GREB1L: variants seen among roughly 807,000 people sequenced by gnomAD.
GREB1L encodes GREB1-like protein.
Under a neutral mutation model 200.8 loss-of-function variants are expected in GREB1L, and 17 were observed. That is an observed-to-expected ratio of 0.08 (90% confidence interval 0.06 to 0.13). GREB1L has a LOEUF of 0.13. Ranked by LOEUF, GREB1L falls within the 10% of genes least tolerant of loss-of-function variation. GREB1L has a pLI of 1.00. For missense variants in GREB1L, 1,657 were observed against 2,367.7 expected (o/e 0.70, Z 6.23); for synonymous variants, 789 against 893.0 (o/e 0.88, Z 2.08).
intron 1 of GREB1L, among the ~76,000 whole-genome samples, chr18:21,247,883 C>T (rs550829707): frequency 6.6e-6 from 1 of 152,212 alleles, no homozygotes. Context: ...CCACTCTGAC[C>T]TGTTGAATCA....
chr18:21,458,287 A>T (rs2034871678), intron 15 of GREB1L, among the ~76,000 whole-genome samples: 1 of 151,896 alleles, frequency 6.6e-6, no homozygotes, highest in South Asian at 2.1e-4. Flanking sequence ...CAGTTTTTTT[A>T]TTGTTGCATG....
intron 1 of GREB1L, among the ~76,000 whole-genome samples, chr18:21,349,035 C>T (rs890463724): frequency 6.6e-6 from 1 of 152,174 alleles, no homozygotes; most frequent in Non-Finnish European, 1.5e-5. Context: ...TCAGTCCTCA[C>T]ATCCTGAAGT....
Position 21,458,076 on chromosome 18 carries a change from C to T in GREB1L, c.2182+3513C>T, listed in dbSNP as rs373208696. 6.6e-4 allele frequency among the ~76,000 whole-genome samples: 98 copies of T among 148,452 alleles called. No individual in the cohort carries two copies. The Middle Eastern group carries it at 0.014, about 21-fold the overall frequency. On this transcript the variant is annotated intron_variant, in intron 15 of 32. Transcript: ENST00000424526. Reference sequence around the variant, plus strand: ...CTCCACCTCCCGGGTTCAAGCGATTCTTCTGCCTCAACCTCCAGAGTAGCT... The same window carrying T: ...CTCCACCTCCCGGGTTCAAGCGATTTTTCTGCCTCAACCTCCAGAGTAGCT...
chr18:21,271,725 TTTAAG>T (rs1346533722), intron 1 of GREB1L, among the ~76,000 whole-genome samples: 1 of 151,662 alleles, frequency 6.6e-6, no homozygotes, highest in African/African-American at 2.4e-5. Context: ...CAGGTTGCTG[TTTAAG>T]TTAAGTAGAG....
chr18:21,243,492 G>C (rs58347884), intron 1 of GREB1L, among the ~76,000 whole-genome samples: 1,580 of 152,008 alleles, frequency 0.01, 33 homozygotes, highest in African/African-American at 0.036. Context: ...GTTTTTTTCC[G>C]CCTCCCCCCG....
intron 4 of GREB1L, among the ~76,000 whole-genome samples, chr18:21,394,426 T>C (rs2040956754): frequency 6.6e-6 from 1 of 152,240 alleles, no homozygotes; most frequent in Admixed American, 6.5e-5. Flanking sequence ...ATGACTGCAA[T>C]GTGAGTTCTT....
chr18:21,319,418 A>G (rs1399228221), intron 1 of GREB1L, among the ~76,000 whole-genome samples: 1 of 152,250 alleles, frequency 6.6e-6, no homozygotes, highest in Non-Finnish European at 1.5e-5. Flanking sequence ...AAGTATGTTG[A>G]TAAATGTTAG....
intron 15 of GREB1L, among the ~76,000 whole-genome samples, chr18:21,457,104 C>G (rs1412587348): frequency 6.6e-6 from 1 of 152,160 alleles, no homozygotes; most frequent in Non-Finnish European, 1.5e-5. Flanking sequence ...TTCACCTTTC[C>G]TAATAAATGC....
chr18:21,278,385 AAAAAAAATAAATAAAT>A (rs2038207078), intron 1 of GREB1L, among the ~76,000 whole-genome samples: 2 of 127,400 alleles, frequency 1.6e-5, no homozygotes, highest in South Asian at 2.2e-4. Context: ...CATCTCAAAA[AAAAAAAATAAATAAAT>A]AAATAAATAA....
At chr18:21,516,830 C>A in intron 30 of GREB1L, 76 bp downstream of exon 30, 7 of 1,209,588 alleles carry the variant, frequency 5.8e-6, no homozygotes, top group Non-Finnish European at 7.9e-6. Flanking sequence ...TAGATGTTGG[C>A]ATTAAGCACT....
At position 21,473,107 on chromosome 18, in the gene GREB1L, C is replaced by G. The variant is rs1402169713; in HGVS notation, c.2259C>G (p.Asp753Glu). The part of the protein sequence containing the change: ...QRAEKYVVRL[D>E]NEIQTKFEVF... Reference sequence around the variant, plus strand: ...CAGAAAAATATGTTGTTCGTCTAGACAATGAGATTCAAACCAAGTTTGAAG... The same window carrying G: ...CAGAAAAATATGTTGTTCGTCTAGAGAATGAGATTCAAACCAAGTTTGAAG... Residue 753 changes from aspartate (D) to glutamate (E), a missense_variant, in exon 16 of 33, where the codon GAC (aspartate) becomes GAG (glutamate). Transcript: ENST00000424526. The G allele has an allele frequency of 6.4e-7, 1 of 1,550,500 alleles. No homozygotes were observed. Among genetic ancestry groups the G allele is most frequent in the Non-Finnish European group, 8.7e-7 (1 of 1,146,324 alleles).
At chr18:21,502,800 C>T (rs1399906681) in intron 23 of GREB1L, among the ~76,000 whole-genome samples, 9 of 152,320 alleles carry the variant, frequency 5.9e-5, no homozygotes, top group Non-Finnish European at 1.0e-4. Context: ...CCAGCTCTCC[C>T]GCCAGGCTCG....
At chr18:21,446,647 T>C (rs1016394601) in intron 11 of GREB1L, among the ~76,000 whole-genome samples, 2 of 152,274 alleles carry the variant, frequency 1.3e-5, no homozygotes, top group East Asian at 3.9e-4. Context: ...GAGTCCTTTA[T>C]TTATTTATTA....
At chr18:21,258,336 C>CA (rs1434592454) in intron 1 of GREB1L, among the ~76,000 whole-genome samples, 1 of 152,176 alleles carries the variant, frequency 6.6e-6, no homozygotes, top group African/African-American at 2.4e-5. Context: ...CACCAGACTG[C>CA]AAGTGCTTTG....
intron 18 of GREB1L, among the ~76,000 whole-genome samples, chr18:21,489,193 A>T (rs2036237175): frequency 6.6e-6 from 1 of 152,158 alleles, no homozygotes; most frequent in South Asian, 2.1e-4. Context: ...TAACAAAGGG[A>T]TCCTCTTCCC....
chr18:21,512,388 A>T (rs556328120), intron 27 of GREB1L, among the ~76,000 whole-genome samples: 24 of 152,276 alleles, frequency 1.6e-4, no homozygotes, highest in African/African-American at 5.5e-4. Context: ...TCACTGTACA[A>T]GTCTTTTGCC....
At chr18:21,511,493 A>G (rs553618729) in intron 27 of GREB1L, among the ~76,000 whole-genome samples, 2 of 152,294 alleles carry the variant, frequency 1.3e-5, no homozygotes, top group South Asian at 4.1e-4. Context: ...TGCCAAATTC[A>G]ATGTCACAAG....
At position 21,498,640 on chromosome 18, in the gene GREB1L, A is replaced by G. The variant is rs532295891; in HGVS notation, c.3392-1089A>G. 5.0e-4 allele frequency among the ~76,000 whole-genome samples: 76 copies of G among 152,202 alleles called. No individual in the cohort carries two copies. The South Asian group carries it at 0.014, about 28-fold the overall frequency. On this transcript the variant is annotated intron_variant, in intron 21 of 32. Coordinates refer to ENST00000424526, the MANE Select transcript of GREB1L (RefSeq NM_001142966.3). ...CTGGCCTTGCTCTGCTGAACTCACA[A>G]AGGTGGTTTGCCCTTGGCTACTGTG...
intron 1 of GREB1L, among the ~76,000 whole-genome samples, chr18:21,274,221 T>A (rs553201814): frequency 6.6e-6 from 1 of 152,252 alleles, no homozygotes; most frequent in African/African-American, 2.4e-5. Context: ...CTGGGGTCTT[T>A]TTTATAAGGT....
Sources: allele counts gnomAD v4.1 joint callset (sites outside exome capture counted in the v4.1 genomes callset), GRCh38; gene constraint gnomAD v4.1.1; transcripts MANE v1.5; gene names NCBI Gene and HGNC (gene_info 2026-07-23, HGNC 2026-07-21).